The following CPNE4 variants were observed in gnomAD, a reference collection of about 807,000 sequenced individuals.
The protein encoded by CPNE4 is copine 4.
In CPNE4, 25 loss-of-function variants were observed where a neutral mutation model predicts 67.9. That is an observed-to-expected ratio of 0.37 (90% CI 0.27 to 0.51). The LOEUF (loss-of-function observed/expected upper bound fraction) is 0.51, where lower values mean the gene tolerates loss of function less well. Ranked by LOEUF, CPNE4 falls within the 20% of genes least tolerant of loss-of-function variation. CPNE4 has a pLI of 0.93. For synonymous variants in CPNE4, 242 were observed against 244.9 expected, an observed-to-expected ratio of 0.99 and a Z score of 0.11; for missense variants, 464 against 690.8, an observed-to-expected ratio of 0.67 and a Z score of 3.68.
chr3:131,955,429 T>TTTTTTTTTTTTTTTTC (rs57945572), intron 1 of CPNE4, among the ~76,000 whole-genome samples: 1 of 136,652 alleles, frequency 7.3e-6, no homozygotes, highest in African/African-American at 2.9e-5. Context: ...TTTTTTTTTT[T>TTTTTTTTTTTTTTTTC]TTTTTGTATG....
At chr3:131,615,906 C>G (rs1488382643) in intron 7 of CPNE4, among the ~76,000 whole-genome samples, 1 of 98,580 alleles carries the variant, frequency 1.0e-5, no homozygotes, top group African/African-American at 7.0e-5. Context: ...CACACACACA[C>G]ACACACACAC....
At chr3:131,705,700 T>C (rs539983160) in intron 3 of CPNE4, among the ~76,000 whole-genome samples, 57 of 152,300 alleles carry the variant, frequency 3.7e-4, no homozygotes, top group Non-Finnish European at 5.3e-4. Flanking sequence ...GCAATAGGTA[T>C]TCCATTAGTT....
chr3:132,038,821 A>G (rs905090755), upstream of CPNE4, among the ~76,000 whole-genome samples: 1 of 152,058 alleles, frequency 6.6e-6, no homozygotes, highest in Non-Finnish European at 1.5e-5. Flanking sequence ...TGCCCAGCCT[A>G]TATTCATTTT....
Position 131,622,691 on chromosome 3 carries a change from A to T in CPNE4, c.682-35109T>A, listed in dbSNP as rs545663462. 4.6e-5 allele frequency among the ~76,000 whole-genome samples: 7 copies of T among 152,316 alleles called. No individual in the cohort carries two copies. The South Asian group carries it at 1.5e-3, about 32-fold the overall frequency. ...TGTGTTGGCTTCTATGTATATGCAC[A>T]GTGGGGAACAGTCCTATAATATAGG... On this transcript the variant is annotated intron_variant, in intron 7 of 15. Transcript: ENST00000429747.
chr3:131,610,995 A>G (rs918778251), intron 7 of CPNE4, among the ~76,000 whole-genome samples: 6 of 152,186 alleles, frequency 3.9e-5, no homozygotes, highest in African/African-American at 1.4e-4. Context: ...CCATTTCAGC[A>G]AGTTTTATGG....
chr3:131,553,009 C>T (rs576687665), intron 12 of CPNE4, among the ~76,000 whole-genome samples: 1 of 152,174 alleles, frequency 6.6e-6, no homozygotes, highest in South Asian at 2.1e-4. Context: ...CACATACCTA[C>T]AGGTAAAACA....
intron 9 of CPNE4, among the ~76,000 whole-genome samples, chr3:131,578,434 C>T (rs1283791592): frequency 1.3e-5 from 2 of 152,196 alleles, no homozygotes; most frequent in South Asian, 4.1e-4. Context: ...TGAGACACTA[C>T]TCTATTGAAA....
intron 2 of CPNE4, among the ~76,000 whole-genome samples, chr3:131,828,623 AT>A (rs1459338091): frequency 6.6e-6 from 1 of 152,176 alleles, no homozygotes; most frequent in Non-Finnish European, 1.5e-5. Context: ...GGGTGGTTAT[AT>A]TTCTTTCTCT....
chr3:131,975,789 T>C (rs1001500063), intron 1 of CPNE4, among the ~76,000 whole-genome samples: 2 of 152,172 alleles, frequency 1.3e-5, no homozygotes, highest in Non-Finnish European at 2.9e-5. Flanking sequence ...TATGCATGCA[T>C]AGATATGTAT....
chr3:131,551,038 C>T (rs1229931697), intron 13 of CPNE4, among the ~76,000 whole-genome samples: 2 of 152,104 alleles, frequency 1.3e-5, no homozygotes, highest in Non-Finnish European at 2.9e-5. Flanking sequence ...TTGCCTTCCC[C>T]TATTCAGCTT....
At chr3:131,584,141 T>C (rs1313272910) in intron 8 of CPNE4, among the ~76,000 whole-genome samples, 1 of 152,182 alleles carries the variant, frequency 6.6e-6, no homozygotes, top group East Asian at 1.9e-4. Context: ...TGTTCTCTCC[T>C]CTTTTTTTCT....
intron 1 of CPNE4, among the ~76,000 whole-genome samples, chr3:131,956,366 G>A (rs1045048169): frequency 6.6e-6 from 1 of 151,986 alleles, no homozygotes; most frequent in African/African-American, 2.4e-5. Flanking sequence ...GGATTCATAA[G>A]GGCATATTTG....
intron 1 of CPNE4, among the ~76,000 whole-genome samples, chr3:132,005,169 T>C (rs1229454898): frequency 6.6e-6 from 1 of 151,664 alleles, no homozygotes; most frequent in Non-Finnish European, 1.5e-5. Context: ...CAAGGCAGTC[T>C]CTTGAACCAC....
Position 131,723,331 on chromosome 3 carries a change from A to G in CPNE4, c.360+115T>C, listed in dbSNP as rs189562421. 1,492 of 946,528 alleles carry G rather than the reference A, an allele frequency of 1.6e-3. 14 individuals are homozygous for G. The highest frequency in any genetic ancestry group is 2.2e-4 in the Non-Finnish European group (135 of 620,174). The allele number at this position is 946,528 out of a possible 1,614,324, so 58.6% of individuals were successfully genotyped here. On this transcript the variant is annotated intron_variant, in intron 3 of 15. Transcript: ENST00000429747. Reference sequence around the variant, plus strand: ...GGAAGTTGTAAAATGCTGCATGTTAAAGAAAATACAATCAATAGGAAAAAG... The same window carrying G: ...GGAAGTTGTAAAATGCTGCATGTTAGAGAAAATACAATCAATAGGAAAAAG...
At chr3:131,580,598 C>A (rs1441787288) in intron 9 of CPNE4, among the ~76,000 whole-genome samples, 2 of 152,070 alleles carry the variant, frequency 1.3e-5, no homozygotes, top group African/African-American at 4.8e-5. Context: ...CTTAAATTTA[C>A]TACTTGTGTG....
chr3:131,919,338 G>A (rs572957800), intron 1 of CPNE4, among the ~76,000 whole-genome samples: 38 of 152,254 alleles, frequency 2.5e-4, no homozygotes, highest in African/African-American at 6.7e-4. Context: ...TAACTAGATC[G>A]TGGTCAATTC....
intron 2 of CPNE4, among the ~76,000 whole-genome samples, chr3:131,734,654 G>A (rs1240642898): frequency 6.6e-6 from 1 of 152,108 alleles, no homozygotes; most frequent in Non-Finnish European, 1.5e-5. Flanking sequence ...GGGAGGCCGA[G>A]GCAGCCAGAT....
chr3:131,582,888 G>A (rs1204891005), intron 8 of CPNE4, among the ~76,000 whole-genome samples: 1 of 152,220 alleles, frequency 6.6e-6, no homozygotes, highest in Non-Finnish European at 1.5e-5. Context: ...GTGAAGCAGA[G>A]AAGAATTCAG....
chr3:131,696,589 C>T lies in CPNE4; in HGVS notation c.460G>A (p.Asp154Asn). The change falls in exon 5 of 16, where the codon GAC becomes AAC. Residue 154 changes from aspartate to asparagine, a missense_variant. Transcript: ENST00000429747. ...TTGAATGCAAGCTCAACATAGTCGT[C>T]ATTGCCAGATAATTCTTCAGCAATC... ...TVIAEELSGN[D>N]DYVELAFNAR... The T allele has an allele frequency of 6.2e-7, 1 of 1,614,018 alleles. No homozygotes were observed. The highest frequency in any genetic ancestry group is 8.5e-7 in the Non-Finnish European group (1 of 1,179,930).
Sources: allele counts gnomAD v4.1 joint callset (sites outside exome capture counted in the v4.1 genomes callset), GRCh38; gene constraint gnomAD v4.1.1; transcripts MANE v1.5; gene names NCBI Gene and HGNC (gene_info 2026-07-23, HGNC 2026-07-21).